TYW1: variants seen among roughly 807,000 people sequenced by gnomAD.
TYW1 encodes tRNA-yW synthesizing protein 1 homolog, also known as S-adenosyl-L-methionine-dependent tRNA 4-demethylwyosine synthase TYW1.
TYW1 carries 46 observed loss-of-function variants against 96.2 expected under a neutral mutation model. The ratio of observed to expected loss-of-function variants is 0.48; its 90% CI spans 0.38 to 0.61. TYW1 has a LOEUF of 0.61. Among genes scored for constraint, TYW1 ranks in the 20% least tolerant of loss-of-function variants. TYW1 has a pLI of 0.00. For missense variants in TYW1, 684 were observed against 909.6 expected, an observed-to-expected ratio of 0.75 and a Z score of 3.19; for synonymous variants, 274 against 323.0, an observed-to-expected ratio of 0.85 and a Z score of 1.63.
chr7:67,214,502 G>A (rs985564317), intron 15 of TYW1, among the ~76,000 whole-genome samples: 5 of 151,786 alleles, frequency 3.3e-5, no homozygotes, highest in African/African-American at 1.2e-4. Flanking sequence ...TCCTTTTCTT[G>A]TCTTATTGTA....
At chr7:67,139,611 A>G (rs567956320) in intron 13 of TYW1, among the ~76,000 whole-genome samples, 289 of 152,148 alleles carry the variant, frequency 1.9e-3, no homozygotes, top group African/African-American at 5.3e-3. Context: ...TTCTCTATTC[A>G]AGGTTCCCAC....
intron 12 of TYW1, among the ~76,000 whole-genome samples, chr7:67,116,064 G>A (rs1338153362): frequency 4.6e-5 from 7 of 152,158 alleles, no homozygotes; most frequent in South Asian, 2.1e-4. Context: ...AGTGGCTCAC[G>A]CCTGTAATCC....
intron 14 of TYW1, among the ~76,000 whole-genome samples, chr7:67,193,679 A>C (rs565333894): frequency 1.3e-5 from 2 of 151,880 alleles, no homozygotes; most frequent in African/African-American, 4.8e-5. Context: ...GAATCACTTC[A>C]ACCCAGGAGG....
intron 8 of TYW1, among the ~76,000 whole-genome samples, chr7:67,054,330 GA>G (rs1795446077): frequency 6.6e-6 from 1 of 152,052 alleles, no homozygotes; most frequent in Admixed American, 6.6e-5. Flanking sequence ...TCTTGGGAGA[GA>G]AAAATATAAA....
Position 67,098,451 on chromosome 7 carries a change from C to G in TYW1, c.1385-90C>G. The G allele has an allele frequency of 8.1e-6, 11 of 1,364,224 alleles. No homozygotes were observed. In the South Asian group the frequency reaches 1.6e-4, roughly 19 times the overall value. 84.5% of individuals were successfully genotyped at this position (1,364,224 alleles called of 1,614,324 possible). A position where few individuals can be genotyped will look rare whatever the true frequency, so the allele number is the denominator to read the frequency against. On this transcript the variant is annotated intron_variant, in intron 11 of 15. Transcript: ENST00000359626. ...CTTTGGTATCAAAAATGAATTTGCT[C>G]TATAAAATCAAAGCATCATTAAGAA...
chr7:67,193,812 G>GGT (rs35319302), intron 14 of TYW1, among the ~76,000 whole-genome samples: 42,457 of 149,758 alleles, frequency 0.28, 6,639 homozygotes, highest in African/African-American at 0.42. Context: ...GTTTGTCTGT[G>GGT]GTGTGTGTGT....
chr7:67,103,837 C>T (rs1025254655), intron 12 of TYW1, among the ~76,000 whole-genome samples: 19 of 152,156 alleles, frequency 1.2e-4, no homozygotes, highest in African/African-American at 4.6e-4. Context: ...TTTGCTGAGC[C>T]TCTTGCAGCC....
intron 15 of TYW1, among the ~76,000 whole-genome samples, chr7:67,208,684 T>G (rs1800895423): frequency 7.5e-6 from 1 of 133,828 alleles, no homozygotes; most frequent in Non-Finnish European, 1.6e-5. Context: ...AGTGAGACGC[T>G]GTCTCAAAAA....
At chr7:67,090,279 T>G (rs1796674089) in intron 11 of TYW1, among the ~76,000 whole-genome samples, 1 of 152,224 alleles carries the variant, frequency 6.6e-6, no homozygotes, top group South Asian at 2.1e-4. Flanking sequence ...TGACTTTTAG[T>G]CAGGGCAGGT....
intron 13 of TYW1, among the ~76,000 whole-genome samples, chr7:67,176,928 G>A (rs1799691494): frequency 6.6e-6 from 1 of 151,902 alleles, no homozygotes; most frequent in Non-Finnish European, 1.5e-5. Flanking sequence ...GCCCCCATTT[G>A]TGAAAACCAA....
chr7:67,082,513 G>C (rs1229062972), intron 10 of TYW1, among the ~76,000 whole-genome samples: 1 of 152,164 alleles, frequency 6.6e-6, no homozygotes, highest in African/African-American at 2.4e-5. Context: ...TTAGACCCTA[G>C]GGGAGCTTGT....
intron 13 of TYW1, among the ~76,000 whole-genome samples, chr7:67,126,052 A>G (rs1035489233): frequency 6.6e-6 from 1 of 151,758 alleles, no homozygotes; most frequent in Non-Finnish European, 1.5e-5. Flanking sequence ...TTTGCATATA[A>G]ATTTTCAACT....
chr7:67,028,289 T>C (rs1794526741), intron 7 of TYW1, among the ~76,000 whole-genome samples: 1 of 150,296 alleles, frequency 6.7e-6, no homozygotes, highest in Non-Finnish European at 1.5e-5. Context: ...GGCTCACGCC[T>C]GTAATCCCCA....
rs1798009143 is a variant in TYW1 at position 67,129,831 on chromosome 7, T to C, written c.1698+12213T>C. ...CCCTTAGGATATAAAAATACTTATGTATATTTTCTGGTTCTTTCCTAGCCC... is the reference window on the plus strand; with the variant it reads ...CCCTTAGGATATAAAAATACTTATGCATATTTTCTGGTTCTTTCCTAGCCC... On this transcript the variant is annotated intron_variant, in intron 13 of 15. Coordinates refer to ENST00000359626, the MANE Select transcript of TYW1 (RefSeq NM_018264.4). Among the ~76,000 whole-genome samples, 6 of 152,332 alleles carry C rather than the reference T, an allele frequency of 3.9e-5. No individual in the cohort carries two copies. In the South Asian group the frequency reaches 8.3e-4, roughly 21 times the overall value.
At chr7:67,180,424 A>ATATATATATATATATATAT (rs1341437613) in intron 13 of TYW1, among the ~76,000 whole-genome samples, 2 of 81,920 alleles carry the variant, frequency 2.4e-5, no homozygotes, top group Admixed American at 1.2e-4. Flanking sequence ...ATATATATAT[A>ATATATATATATATATATAT]ATTTTTTTTT....
intron 10 of TYW1, among the ~76,000 whole-genome samples, chr7:67,072,934 GTTTTTTTTTTTTTTT>G (rs529812538): frequency 6.9e-4 from 49 of 71,260 alleles, no homozygotes; most frequent in Admixed American, 1.9e-3. Context: ...TGCCTATCCA[GTTTTTTTTTTTTTTT>G]TTTTTTTTTT....
intron 3 of TYW1, among the ~76,000 whole-genome samples, chr7:67,000,604 A>G (rs1793351690): frequency 6.6e-6 from 1 of 151,998 alleles, no homozygotes; most frequent in Admixed American, 6.6e-5. Context: ...CAGCCAAAAA[A>G]TTTATTTAAT....
intron 13 of TYW1, among the ~76,000 whole-genome samples, chr7:67,149,768 A>ATCTATCTATCTC (rs1554376910): frequency 5.9e-5 from 5 of 84,080 alleles, no homozygotes; most frequent in Non-Finnish European, 1.2e-4. Context: ...CTATCTATCT[A>ATCTATCTATCTC]TCTATCTCTC....
intron 7 of TYW1, among the ~76,000 whole-genome samples, chr7:67,038,163 C>T (rs889430506): frequency 1.3e-5 from 2 of 151,862 alleles, no homozygotes; most frequent in African/African-American, 2.4e-5. Flanking sequence ...ATTAGCCTGG[C>T]GTGGTGGCAG....
Sources: allele counts gnomAD v4.1 joint callset (sites outside exome capture counted in the v4.1 genomes callset), GRCh38; gene constraint gnomAD v4.1.1; transcripts MANE v1.5; gene names NCBI Gene and HGNC (gene_info 2026-07-23, HGNC 2026-07-21).